ECSIT: variants seen among roughly 807,000 people sequenced by gnomAD.
The protein encoded by ECSIT is evolutionarily conserved signaling intermediate in Toll pathway, mitochondrial.
Under a neutral mutation model 36.8 loss-of-function variants are expected in ECSIT, and 29 were observed. That is an observed-to-expected ratio of 0.79 (90% confidence interval 0.59 to 1.08). ECSIT has a LOEUF of 1.08. Ranked by LOEUF, ECSIT falls within the 50% of genes least tolerant of loss-of-function variation. The pLI is 0.00. For missense variants in ECSIT, 542 were observed against 581.0 expected, an observed-to-expected ratio of 0.93 and a Z score of 0.69; for synonymous variants, 231 against 234.8, an observed-to-expected ratio of 0.98 and a Z score of 0.15.
chr19:11,519,300 C>G lies in ECSIT; in HGVS notation c.-23-107G>C. On this transcript the variant is annotated intron_variant, in intron 1 of 7. Coordinates refer to ENST00000270517, the MANE Select transcript of ECSIT (RefSeq NM_016581.5). This position sits in a 1 kb window ranked among gnomAD's most constrained non-coding sequence, Gnocchi z 4.4. ...ACTCCAGATTATGTGGCTCACTCACCAGCCCCAATGTTTACCTTACCCAAG... is the reference window on the plus strand; with the variant it reads ...ACTCCAGATTATGTGGCTCACTCACGAGCCCCAATGTTTACCTTACCCAAG... The G allele has an allele frequency of 1.3e-6, 1 of 755,768 alleles. No homozygotes were observed. Among genetic ancestry groups the G allele is most frequent in the East Asian group, 2.7e-5 (1 of 37,432 alleles). 46.8% of individuals were successfully genotyped at this position (755,768 alleles called of 1,614,324 possible).
At chr19:11,506,506 T>C in intron 7 of ECSIT, 78 bp from the exon 8 acceptor site, 3 of 1,469,628 alleles carry the variant, frequency 2.0e-6, no homozygotes, top group Middle Eastern at 4.0e-4. Flanking sequence ...CTTTTTGAGG[T>C]ATTTTACACT....
chr19:11,506,008 T>A lies in ECSIT; in HGVS notation c.*176A>T. On this transcript the variant is annotated 3_prime_UTR_variant, in exon 8 of 8. Coordinates refer to ENST00000270517, the MANE Select transcript of ECSIT (RefSeq NM_016581.5). ...GGCGCCTGCAGATTCTGGAGGGGTC[T>A]CGCCTGCCCATCGCTGGCAGCCCGA... is the stretch of plus-strand genomic sequence containing the variant. The A allele has an allele frequency of 8.7e-7, 1 of 1,154,244 alleles. No homozygotes were observed. The highest frequency in any genetic ancestry group is 1.2e-6 in the Non-Finnish European group (1 of 821,668). 71.5% of individuals were successfully genotyped at this position (1,154,244 alleles called of 1,614,324 possible).
intron 1 of ECSIT, among the ~76,000 whole-genome samples, chr19:11,520,256 T>C (rs932752130): frequency 2.6e-5 from 4 of 151,832 alleles, no homozygotes; most frequent in African/African-American, 9.7e-5. Context: ...ACTGCAACCT[T>C]CGCCTCCCGG....
Position 11,513,925 on chromosome 19 carries a change from CT to C in ECSIT, c.392del (p.Gln131ArgfsTer43). 1 of 1,614,224 alleles carries C rather than the reference CT, an allele frequency of 6.2e-7. No homozygotes were observed. Among genetic ancestry groups the C allele is most frequent in the Non-Finnish European group, 8.5e-7 (1 of 1,180,042 alleles). On this transcript the variant is annotated frameshift_variant, in exon 3 of 8. Coordinates refer to ENST00000270517, the MANE Select transcript of ECSIT (RefSeq NM_016581.5). LOFTEE classifies it high-confidence loss of function. Reference sequence around the variant, plus strand: ...CCTCCTTGGGGAAGATGTTGAGCAGCTGGTTGTACACAGCCAGGTCCCGCTC... The same window carrying C: ...CCTCCTTGGGGAAGATGTTGAGCAGCGGTTGTACACAGCCAGGTCCCGCTC... The part of the protein sequence containing the change: ...GVERDLAVYN[Q>X]LLNIFPKEVF...
intron 1 of ECSIT, chr19:11,523,438 G>A: frequency 1.3e-6 from 1 of 756,528 alleles, no homozygotes; most frequent in Non-Finnish European, 2.1e-6. Context: ...CCACTGCCAT[G>A]GCCGAGGGAG....
At chr19:11,507,318 G>C (rs970544535) in intron 7 of ECSIT, 139 bp downstream of exon 7, 1 of 603,154 alleles carries the variant, frequency 1.7e-6, no homozygotes, top group Non-Finnish European at 3.1e-6. Flanking sequence ...GGTCTATCAT[G>C]TAGGCTGGAG....
intron 1 of ECSIT, chr19:11,522,161 G>A: frequency 4.5e-6 from 2 of 440,950 alleles, no homozygotes; most frequent in Non-Finnish European, 8.4e-6. Flanking sequence ...TCAACTGTGG[G>A]CAGGCATTCG....
chr19:11,525,207 A>T (rs1381685929), intron 1 of ECSIT, among the ~76,000 whole-genome samples: 1 of 150,438 alleles, frequency 6.6e-6, no homozygotes, highest in Non-Finnish European at 1.5e-5. Context: ...TAGGATTAAG[A>T]CCTTAATTTA....
In ECSIT at chr19:11,519,120, C is replaced by T; in HGVS notation, c.51G>A (p.Trp17Ter). ...TLLARGLCRA[W>*]GGTCGAALTG... ...TGAGGGCGGCCCCGCAGGTGCCTCC[C>T]CAGGCCCTACAGAGGCCTCGGGCCA... is the stretch of plus-strand genomic sequence containing the variant. The change falls in exon 2 of 8, where the codon TGG (tryptophan) becomes TGA (stop). Residue 17 changes from tryptophan (W) to a stop codon, truncating the protein, a stop_gained. Transcript: ENST00000270517. LOFTEE classifies it high-confidence loss of function. This position sits in a 1 kb window ranked among gnomAD's most constrained non-coding sequence, Gnocchi z 4.4. 2 of 1,550,994 alleles carry T rather than the reference C, an allele frequency of 1.3e-6. No homozygotes were observed. Among genetic ancestry groups the T allele is most frequent in the Non-Finnish European group, 1.7e-6 (2 of 1,146,956 alleles).
intron 1 of ECSIT, chr19:11,522,142 G>T: frequency 2.4e-6 from 1 of 413,772 alleles, no homozygotes; most frequent in Non-Finnish European, 4.5e-6. Flanking sequence ...GAAGTCTTCG[G>T]GGAGACTGTC....
At chr19:11,515,392 G>T (rs377027150) in intron 2 of ECSIT, among the ~76,000 whole-genome samples, 3 of 151,696 alleles carry the variant, frequency 2.0e-5, no homozygotes, top group African/African-American at 7.3e-5. Flanking sequence ...ATGAGCCACC[G>T]CGCCCGGCGT....
At position 11,506,301 on chromosome 19, in the gene ECSIT, G is replaced by A; in HGVS notation, c.1179C>T (p.Leu393=). Residue 393 remains leucine (L), a synonymous_variant, in exon 8 of 8, where the codon CTC becomes CTT. Coordinates refer to ENST00000270517, the MANE Select transcript of ECSIT (RefSeq NM_016581.5). ...TLAQIPVVFR[L]AGSTRELQTS... ...TCTGGAGCTCCCGGGTGGACCCGGC[G>A]AGGCGGAAGACCACGGGGATCTGGG... 1 of 1,613,062 alleles carries A rather than the reference G, an allele frequency of 6.2e-7. No homozygotes were observed. The highest frequency in any genetic ancestry group is 8.5e-7 in the Non-Finnish European group (1 of 1,179,860).
intron 1 of ECSIT, among the ~76,000 whole-genome samples, chr19:11,527,512 C>A (rs1327977306): frequency 6.6e-6 from 1 of 151,988 alleles, no homozygotes; most frequent in Non-Finnish European, 1.5e-5. Flanking sequence ...GAGACCCCAT[C>A]TCTACAAAAA....
chr19:11,514,625 C>T (rs1488473596), intron 2 of ECSIT, among the ~76,000 whole-genome samples: 1 of 151,580 alleles, frequency 6.6e-6, no homozygotes, highest in African/African-American at 2.4e-5. Flanking sequence ...TGGGCTCAAG[C>T]AATTCTCCTC....
At chr19:11,517,259 C>T (rs1006041346) in intron 2 of ECSIT, among the ~76,000 whole-genome samples, 1 of 149,796 alleles carries the variant, frequency 6.7e-6, no homozygotes, top group Admixed American at 6.7e-5. Context: ...CATCCCATAT[C>T]GTTCTTTGAT....
chr19:11,513,127 G>C lies in ECSIT; in HGVS notation c.667C>G (p.Pro223Ala). The C allele has an allele frequency of 1.9e-6, 3 of 1,614,226 alleles. No homozygotes were observed. The highest frequency in any genetic ancestry group is 2.5e-6 in the Non-Finnish European group (3 of 1,180,050). ...AGGCCAAACATGGCCAGCTCCACAGGGTCCTGGGGCAGGTCCCGGGGCACT... is the reference window on the plus strand; with the variant it reads ...AGGCCAAACATGGCCAGCTCCACAGCGTCCTGGGGCAGGTCCCGGGGCACT... ...FPVPRDLPQD[P>A]VELAMFGLRH... is the part of the protein sequence containing the mutation. Residue 223 changes from proline to alanine, a missense_variant, in exon 4 of 8, where the codon CCT (proline) becomes GCT (alanine). Pro to Ala is a conservative substitution (Grantham distance 27). Coordinates refer to ENST00000270517, the MANE Select transcript of ECSIT (RefSeq NM_016581.5).
intron 1 of ECSIT, 174 bp downstream of exon 1, chr19:11,528,888 G>C (rs1223446572): frequency 6.6e-6 from 1 of 152,240 alleles, no homozygotes; most frequent in Non-Finnish European, 1.5e-5. Flanking sequence ...GGCGTGAGGC[G>C]GCTGGCACAA....
chr19:11,508,241 T>C (rs1029903890), intron 4 of ECSIT, among the ~76,000 whole-genome samples, 193 bp from the exon 5 acceptor site: 7 of 152,142 alleles, frequency 4.6e-5, no homozygotes, highest in African/African-American at 1.7e-4. Context: ...ATGCTCACCC[T>C]GAGGGAACTA....
rs1037898374 is a variant in ECSIT, at chr19:11,519,285, A to G, written c.-23-92T>C. On this transcript the variant is annotated intron_variant, in intron 1 of 7. Transcript: ENST00000270517. This position sits in a 1 kb window ranked among gnomAD's most constrained non-coding sequence, Gnocchi z 4.4. ...CAGGGTCGAGGGCACACTCCAGATT[A>G]TGTGGCTCACTCACCAGCCCCAATG... 7 of 823,848 alleles carry G rather than the reference A, an allele frequency of 8.5e-6. No individual in the cohort carries two copies. The highest frequency in any genetic ancestry group is 1.4e-5 in the Non-Finnish European group (7 of 497,952). 51.0% of individuals were successfully genotyped at this position (823,848 alleles called of 1,614,324 possible).
Sources: gnomAD v4.1 joint callset for allele counts (sites outside exome capture counted in the v4.1 genomes callset) on GRCh38, gnomAD v4.1.1 for gene constraint, Gnocchi (gnomAD v3.1) non-coding constraint, MANE v1.5 for transcripts, NCBI Gene and HGNC (gene_info 2026-07-23, HGNC 2026-07-21) for gene names.